The following TMEM132B variants were observed in gnomAD, a reference collection of about 807,000 sequenced individuals.
The protein encoded by TMEM132B is transmembrane protein 132B.
In TMEM132B, 18 loss-of-function variants were observed where a neutral mutation model predicts 90.8. The ratio of observed to expected loss-of-function variants is 0.20; its 90% confidence interval spans 0.14 to 0.29. TMEM132B has a LOEUF of 0.29. Among genes scored for constraint, TMEM132B ranks in the 10% least tolerant of loss-of-function variants. The pLI is 1.00. For synonymous variants in TMEM132B, 504 were observed against 523.3 expected (o/e 0.96, Z 0.50); for missense variants, 1,096 against 1,326.8 (o/e 0.83, Z 2.70).
chr12:125,223,973 C>T (rs373617689), intron 1 of TMEM132B, among the ~76,000 whole-genome samples: 21 of 152,224 alleles, frequency 1.4e-4, no homozygotes, highest in African/African-American at 4.8e-4. Flanking sequence ...GAAGGGGTTT[C>T]GCCATGTTGG....
chr12:125,272,571 T>TA (rs112661470), intron 1 of TMEM132B, among the ~76,000 whole-genome samples: 394 of 150,088 alleles, frequency 2.6e-3, no homozygotes, highest in African/African-American at 8.5e-3. Context: ...GCTCTTGGAT[T>TA]AAAAAAAAAA....
At chr12:125,366,427 A>AT (rs976997504) in intron 2 of TMEM132B, among the ~76,000 whole-genome samples, 9 of 151,786 alleles carry the variant, frequency 5.9e-5, no homozygotes, top group Middle Eastern at 3.2e-3. Context: ...AGCATTTGTT[A>AT]TTTTTTTTAT....
intron 4 of TMEM132B, among the ~76,000 whole-genome samples, chr12:125,555,001 TA>T (rs1404285379): frequency 6.6e-6 from 1 of 152,192 alleles, no homozygotes; most frequent in African/African-American, 2.4e-5. Flanking sequence ...GTGAATTGAA[TA>T]ATGGACGCAC....
At chr12:125,576,030 T>G (rs183584645) in intron 4 of TMEM132B, among the ~76,000 whole-genome samples, 25 of 152,244 alleles carry the variant, frequency 1.6e-4, no homozygotes, top group African/African-American at 6.0e-4. Context: ...GCTGGAATTT[T>G]GATAGCAATT....
At chr12:125,436,388 A>G (rs1049538061) in intron 3 of TMEM132B, among the ~76,000 whole-genome samples, 11 of 152,240 alleles carry the variant, frequency 7.2e-5, no homozygotes, top group African/African-American at 2.4e-4. Flanking sequence ...TACCACACAC[A>G]CAGGCTTATT....
chr12:125,553,074 T>C (rs530784742), intron 4 of TMEM132B, among the ~76,000 whole-genome samples: 2 of 152,372 alleles, frequency 1.3e-5, no homozygotes, highest in South Asian at 4.1e-4. Context: ...AGGACAGTTG[T>C]ACAACACATG....
chr12:125,517,269 TCCTG>T (rs1396452965), intron 3 of TMEM132B, among the ~76,000 whole-genome samples: 2 of 143,056 alleles, frequency 1.4e-5, no homozygotes, highest in Admixed American at 1.5e-4. Context: ...CACCCCATTC[TCCTG>T]CCTCAGCCTC....
At chr12:125,206,976 C>T (rs1028271935) in intron 1 of TMEM132B, among the ~76,000 whole-genome samples, 3 of 152,134 alleles carry the variant, frequency 2.0e-5, no homozygotes, top group African/African-American at 7.2e-5. Flanking sequence ...GAGTAAGAGC[C>T]CCGCCTGTTT....
intron 4 of TMEM132B, among the ~76,000 whole-genome samples, chr12:125,558,663 C>T (rs1015623398): frequency 2.0e-5 from 3 of 152,200 alleles, no homozygotes; most frequent in African/African-American, 4.8e-5. Context: ...GGAGAGCCAG[C>T]ACTTTCTTGT....
intron 3 of TMEM132B, among the ~76,000 whole-genome samples, chr12:125,517,204 A>G (rs1275203208): frequency 2.0e-5 from 3 of 150,334 alleles, no homozygotes. Flanking sequence ...ACTTTCACCC[A>G]GGCTGGAGTG....
intron 3 of TMEM132B, among the ~76,000 whole-genome samples, chr12:125,497,410 G>A (rs1049597734): frequency 1.3e-5 from 2 of 152,208 alleles, no homozygotes; most frequent in Non-Finnish European, 2.9e-5. Context: ...GTGTGGTCTT[G>A]ACAAGGTATG....
intron 1 of TMEM132B, among the ~76,000 whole-genome samples, chr12:125,215,064 A>G (rs570730738): frequency 4.4e-4 from 67 of 152,058 alleles, no homozygotes; most frequent in African/African-American, 1.6e-3. Flanking sequence ...GCTTCCCCCT[A>G]TTGCCAGCCT....
At chr12:125,341,933 T>G (rs939503794) in intron 1 of TMEM132B, among the ~76,000 whole-genome samples, 4 of 152,220 alleles carry the variant, frequency 2.6e-5, no homozygotes, top group African/African-American at 9.6e-5. Context: ...TTTTCAGCTA[T>G]CTCTCTACCA....
At chr12:125,443,880 T>A (rs1880938282) in intron 3 of TMEM132B, among the ~76,000 whole-genome samples, 1 of 152,118 alleles carries the variant, frequency 6.6e-6, no homozygotes, top group African/African-American at 2.4e-5. Flanking sequence ...TAGAAAGCAG[T>A]CGTGCACCGT....
intron 2 of TMEM132B, among the ~76,000 whole-genome samples, chr12:125,363,136 TTGCTGGCTC>T (rs1436624962): frequency 6.6e-6 from 1 of 152,200 alleles, no homozygotes; most frequent in Non-Finnish European, 1.5e-5. Context: ...TGGAGCCAGT[TTGCTGGCTC>T]AAATCCTAAC....
At chr12:125,311,021 A>G (rs1043114694) in intron 1 of TMEM132B, among the ~76,000 whole-genome samples, 1 of 152,190 alleles carries the variant, frequency 6.6e-6, no homozygotes, top group Non-Finnish European at 1.5e-5. Context: ...TTGGGGTGGA[A>G]TATTTCCTGC....
intron 1 of TMEM132B, among the ~76,000 whole-genome samples, chr12:125,298,703 T>G (rs1444091366): frequency 1.4e-5 from 2 of 146,402 alleles, no homozygotes; most frequent in Non-Finnish European, 3.0e-5. Context: ...TTACATCTAC[T>G]CCCTCCCATC....
At chr12:125,477,174 A>G (rs868145474) in intron 3 of TMEM132B, among the ~76,000 whole-genome samples, 24 of 152,214 alleles carry the variant, frequency 1.6e-4, no homozygotes, top group African/African-American at 5.5e-4. Flanking sequence ...TGCGCATTTT[A>G]CTTCTCACTG....
At chr12:125,441,760 G>A (rs1295313663) in intron 3 of TMEM132B, among the ~76,000 whole-genome samples, 10 of 152,176 alleles carry the variant, frequency 6.6e-5, no homozygotes, top group African/African-American at 2.4e-4. Context: ...CCGATCACTC[G>A]TGTGAATTTA....
Sources: gnomAD v4.1 joint callset for allele counts (sites outside exome capture counted in the v4.1 genomes callset) on GRCh38, gnomAD v4.1.1 for gene constraint, MANE v1.5 for transcripts, NCBI Gene and HGNC (gene_info 2026-07-23, HGNC 2026-07-21) for gene names.